Variants in SYNDIG1L observed in about 807,000 individuals in gnomAD.
SYNDIG1L encodes synapse differentiation inducing 1 like, also known as synapse differentiation-inducing gene protein 1-like.
SYNDIG1L carries 13 observed loss-of-function variants against 20.1 expected under a neutral mutation model. The ratio of observed to expected loss-of-function variants is 0.65; its 90% CI spans 0.42 to 1.03. SYNDIG1L has a LOEUF of 1.03. SYNDIG1L is among the 50% of genes least tolerant of loss of function. SYNDIG1L has a pLI of 0.00. For missense variants in SYNDIG1L, 294 were observed against 305.1 expected, an observed-to-expected ratio of 0.96 and a Z score of 0.27; for synonymous variants, 128 against 129.3, an observed-to-expected ratio of 0.99 and a Z score of 0.07.
At chr14:74,409,269 A>T in intron 2 of SYNDIG1L, 59 bp downstream of exon 2, 4 of 1,209,302 alleles carry the variant, frequency 3.3e-6, no homozygotes, top group Non-Finnish European at 4.4e-6. Context: ...TTTTTTGTAG[A>T]GTCGGGGTCT....
At chr14:74,472,668 C>G in the SYNDIG1L span, among the ~76,000 whole-genome samples, 1 of 152,088 alleles carries the variant, frequency 6.6e-6, no homozygotes, top group African/African-American at 2.4e-5. Flanking sequence ...GGTGTTTGAT[C>G]TGATCTGGGG....
the SYNDIG1L span, among the ~76,000 whole-genome samples, chr14:74,434,267 G>A: frequency 6.6e-6 from 1 of 152,030 alleles, no homozygotes; most frequent in African/African-American, 2.4e-5. Flanking sequence ...TATCCATTGA[G>A]TGAATGATTG....
chr14:74,453,480 T>C, the SYNDIG1L span, among the ~76,000 whole-genome samples: 1 of 147,348 alleles, frequency 6.8e-6, no homozygotes, highest in Non-Finnish European at 1.5e-5. Context: ...CAAAGGAGCA[T>C]GAGGAAATTT....
At chr14:74,441,852 A>G in the SYNDIG1L span, among the ~76,000 whole-genome samples, 1 of 152,066 alleles carries the variant, frequency 6.6e-6, no homozygotes, top group Non-Finnish European at 1.5e-5. Flanking sequence ...ATCCTGTTTT[A>G]ATAAAAAAAA....
At chr14:74,413,353 C>T (rs749633345) in intron 1 of SYNDIG1L, among the ~76,000 whole-genome samples, 4 of 152,162 alleles carry the variant, frequency 2.6e-5, no homozygotes, top group Admixed American at 1.3e-4. Context: ...GCCACCTAAA[C>T]GTCCAGCAAT....
At chr14:74,468,921 GT>G in the SYNDIG1L span, among the ~76,000 whole-genome samples, 1 of 152,234 alleles carries the variant, frequency 6.6e-6, no homozygotes, top group South Asian at 2.1e-4. Flanking sequence ...TAACCTCACT[GT>G]ATCTTGTCTT....
intron 2 of SYNDIG1L, 75 bp downstream of exon 2, chr14:74,409,252 AT>A (rs372141701): frequency 0.031 from 27,805 of 886,550 alleles, 1 homozygote; most frequent in South Asian, 0.038. Context: ...CTAATTTTCA[AT>A]TTTTTTTTTT....
chr14:74,461,245 T>G, the SYNDIG1L span, among the ~76,000 whole-genome samples: 1 of 151,914 alleles, frequency 6.6e-6, no homozygotes, highest in Non-Finnish European at 1.5e-5. Context: ...ACCGCGCCCG[T>G]CCATCACACC....
chr14:74,454,515 A>G, the SYNDIG1L span, among the ~76,000 whole-genome samples: 1 of 152,182 alleles, frequency 6.6e-6, no homozygotes. Flanking sequence ...AGCCCTGAGA[A>G]GCTGGAGCCG....
intron 1 of SYNDIG1L, among the ~76,000 whole-genome samples, chr14:74,420,933 A>G (rs2086216149): frequency 6.6e-6 from 1 of 152,172 alleles, no homozygotes; most frequent in South Asian, 2.1e-4. Context: ...CTTCAGAGGA[A>G]ATTCATACTA....
the SYNDIG1L span, among the ~76,000 whole-genome samples, chr14:74,446,545 T>C: frequency 2.6e-5 from 4 of 151,110 alleles, no homozygotes; most frequent in African/African-American, 9.7e-5. Flanking sequence ...ACAACAAATG[T>C]AAATGAATTA....
intron 1 of SYNDIG1L, among the ~76,000 whole-genome samples, chr14:74,411,957 C>T (rs1294648981): frequency 6.6e-6 from 1 of 152,198 alleles, no homozygotes; most frequent in Non-Finnish European, 1.5e-5. Context: ...GGCCTGAGGG[C>T]CCTGCTGATG....
chr14:74,458,046 C>T, the SYNDIG1L span, among the ~76,000 whole-genome samples: 9 of 152,146 alleles, frequency 5.9e-5, no homozygotes, highest in East Asian at 5.8e-4. Context: ...GTGATCCTCC[C>T]GCCTCGACCT....
At chr14:74,439,879 C>CAA in the SYNDIG1L span, among the ~76,000 whole-genome samples, 1,012 of 101,882 alleles carry the variant, frequency 9.9e-3, 13 homozygotes, top group African/African-American at 0.03. Flanking sequence ...AACTCCATCT[C>CAA]AAAAAAAAAA....
At chr14:74,434,944 G>A in the SYNDIG1L span, among the ~76,000 whole-genome samples, 108 of 150,684 alleles carry the variant, frequency 7.2e-4, no homozygotes, top group African/African-American at 2.5e-3. Flanking sequence ...TTAGCCGGGC[G>A]TGGTGGTGGG....
the SYNDIG1L span, among the ~76,000 whole-genome samples, chr14:74,432,716 T>C: frequency 6.6e-6 from 1 of 151,866 alleles, no homozygotes; most frequent in East Asian, 1.9e-4. Context: ...GTTAGCTGGG[T>C]GTGGTGGCAT....
intron 1 of SYNDIG1L, among the ~76,000 whole-genome samples, chr14:74,421,758 G>A (rs1028588471): frequency 6.6e-6 from 1 of 152,200 alleles, no homozygotes; most frequent in African/African-American, 2.4e-5. Flanking sequence ...GAGAAGAGGA[G>A]GGAAGAAGAG....
the SYNDIG1L span, among the ~76,000 whole-genome samples, chr14:74,452,317 C>T: frequency 6.6e-6 from 1 of 152,132 alleles, no homozygotes; most frequent in Non-Finnish European, 1.5e-5. Flanking sequence ...GTGTCCCCAC[C>T]CAAGTCTCAT....
chr14:74,425,672 A>G (rs2086258447), intron 1 of SYNDIG1L, among the ~76,000 whole-genome samples: 1 of 152,188 alleles, frequency 6.6e-6, no homozygotes, highest in Non-Finnish European at 1.5e-5. Context: ...GTCAGGGTCA[A>G]GGCCTGATGT....
Sources: allele counts gnomAD v4.1 joint callset (sites outside exome capture counted in the v4.1 genomes callset), GRCh38; gene constraint gnomAD v4.1.1; transcripts MANE v1.5; gene names NCBI Gene and HGNC (gene_info 2026-07-23, HGNC 2026-07-21).